The following CPHXL2 variants were observed in gnomAD, a reference collection of about 807,000 sequenced individuals.
The protein encoded by CPHXL2 is cytoplasmic polyadenylated homeobox like 2.
chr16:75,676,931 A>T, the CPHXL2 span: 1 of 398,416 alleles, frequency 2.5e-6, no homozygotes, highest in African/African-American at 2.1e-5. Context: ...CCTCATTTTC[A>T]TGGAAACAGT....
chr16:75,669,410 T>C, the CPHXL2 span: 3 of 400,680 alleles, frequency 7.5e-6, no homozygotes, highest in Non-Finnish European at 1.3e-5. Context: ...AGTGTTTTCC[T>C]AGTGGTGAAA....
chr16:75,664,020 G>A, the CPHXL2 span, among the ~76,000 whole-genome samples: 1 of 152,054 alleles, frequency 6.6e-6, no homozygotes, highest in East Asian at 1.9e-4. Flanking sequence ...ATTCCTTATG[G>A]TAACCCAGAC....
chr16:75,665,480 G>C, the CPHXL2 span, among the ~76,000 whole-genome samples: 3 of 152,150 alleles, frequency 2.0e-5, no homozygotes, highest in Non-Finnish European at 4.4e-5. Flanking sequence ...CTGCTAAAAG[G>C]AGCTCTGAAA....
the CPHXL2 span, among the ~76,000 whole-genome samples, chr16:75,672,631 G>A: frequency 3.3e-5 from 5 of 152,054 alleles, no homozygotes; most frequent in African/African-American, 1.2e-4. Flanking sequence ...AGGACTACAG[G>A]CTTGCAATAC....
At chr16:75,668,239 T>TC in the CPHXL2 span, among the ~76,000 whole-genome samples, 1 of 150,584 alleles carries the variant, frequency 6.6e-6, no homozygotes, top group Non-Finnish European at 1.5e-5. Context: ...ATATTTTTTT[T>TC]TTTTTTTGAG....
the CPHXL2 span, among the ~76,000 whole-genome samples, chr16:75,663,360 T>A: frequency 1.8e-3 from 278 of 151,770 alleles, 1 homozygote; most frequent in African/African-American, 6.5e-3. Context: ...GGTGCAGGAG[T>A]GCTATGGTTT....
At chr16:75,673,132 T>C in the CPHXL2 span, among the ~76,000 whole-genome samples, 1 of 147,290 alleles carries the variant, frequency 6.8e-6, no homozygotes, top group Non-Finnish European at 1.5e-5. Flanking sequence ...TGTGACCTTG[T>C]GTAGTCAATT....
the CPHXL2 span, among the ~76,000 whole-genome samples, chr16:75,672,137 G>A: frequency 1.3e-5 from 2 of 151,876 alleles, no homozygotes; most frequent in Admixed American, 1.3e-4. Flanking sequence ...AAATCAGCTG[G>A]TCATGGTGGC....
At chr16:75,660,726 CT>C in the CPHXL2 span, 2 of 398,626 alleles carry the variant, frequency 5.0e-6, no homozygotes, top group African/African-American at 4.1e-5. Context: ...CTGGCTTTCC[CT>C]GGTTTCAGTC....
At chr16:75,668,236 T>A in the CPHXL2 span, among the ~76,000 whole-genome samples, 7 of 150,670 alleles carry the variant, frequency 4.6e-5, no homozygotes, top group East Asian at 3.9e-4. Flanking sequence ...TATATATTTT[T>A]TTTTTTTTTT....
chr16:75,671,121 G>A, the CPHXL2 span, among the ~76,000 whole-genome samples: 2 of 152,198 alleles, frequency 1.3e-5, no homozygotes, highest in East Asian at 1.9e-4. Flanking sequence ...GCCGGCTCAC[G>A]CCTATAATCC....
At chr16:75,669,121 C>A in the CPHXL2 span, among the ~76,000 whole-genome samples, 154 of 152,020 alleles carry the variant, frequency 1.0e-3, 2 homozygotes, top group Non-Finnish European at 1.9e-3. Flanking sequence ...TCGACACCAG[C>A]CCGGGCAACA....
At chr16:75,670,206 G>A in the CPHXL2 span, among the ~76,000 whole-genome samples, 12 of 152,134 alleles carry the variant, frequency 7.9e-5, no homozygotes, top group African/African-American at 2.2e-4. Context: ...GAGCCACCGC[G>A]CCGGCTGAGA....
the CPHXL2 span, chr16:75,661,382 T>C: frequency 5.0e-6 from 2 of 396,410 alleles, no homozygotes; most frequent in Non-Finnish European, 8.9e-6. Flanking sequence ...CTTCAGACAT[T>C]AAGGCTTATA....
At chr16:75,671,630 A>C in the CPHXL2 span, among the ~76,000 whole-genome samples, 1 of 152,232 alleles carries the variant, frequency 6.6e-6, no homozygotes, top group Admixed American at 6.5e-5. Context: ...ACTTTAAAGC[A>C]CAACATAGGC....
chr16:75,668,220 T>G, the CPHXL2 span, among the ~76,000 whole-genome samples: 1 of 135,032 alleles, frequency 7.4e-6, no homozygotes, highest in African/African-American at 3.2e-5. Flanking sequence ...TCTCTATATA[T>G]ATACATATAT....
the CPHXL2 span, among the ~76,000 whole-genome samples, chr16:75,667,855 C>G: frequency 6.6e-6 from 1 of 152,246 alleles, no homozygotes; most frequent in Admixed American, 6.5e-5. Context: ...CCTAGGTCCC[C>G]TCCTTAGTAA....
At chr16:75,674,702 A>T in the CPHXL2 span, among the ~76,000 whole-genome samples, 546 of 152,104 alleles carry the variant, frequency 3.6e-3, 2 homozygotes, top group African/African-American at 0.012. Context: ...CTATATATAT[A>T]TGCAATACCA....
chr16:75,660,844 C>T, the CPHXL2 span: 1 of 398,644 alleles, frequency 2.5e-6, no homozygotes, highest in Non-Finnish European at 4.4e-6. Flanking sequence ...CCTGTGTCAC[C>T]TCCATACTCC....
Sources: allele counts gnomAD v4.1 joint callset (sites outside exome capture counted in the v4.1 genomes callset), GRCh38; gene constraint gnomAD v4.1.1; transcripts MANE v1.5; gene names NCBI Gene and HGNC (gene_info 2026-07-23, HGNC 2026-07-21).